Variants in SEMA4A observed in about 807,000 individuals in gnomAD.
SEMA4A encodes semaphorin-4A.
A neutral mutation model predicts 72.5 loss-of-function variants in SEMA4A; 52 were observed. That is an observed-to-expected ratio of 0.72 (90% confidence interval 0.57 to 0.90). SEMA4A has a LOEUF of 0.90. SEMA4A is among the 40% of genes least tolerant of loss of function. SEMA4A has a pLI of 0.00. For missense variants in SEMA4A, 926 were observed against 959.7 expected (o/e 0.96, Z 0.46); for synonymous variants, 369 against 393.1 (o/e 0.94, Z 0.73).
At chr1:156,169,395 G>GTCTTT (rs1558157821) in intron 10 of SEMA4A, among the ~76,000 whole-genome samples, 25 of 115,268 alleles carry the variant, frequency 2.2e-4, no homozygotes, top group African/African-American at 6.8e-4. Context: ...CTAGGTTTAT[G>GTCTTT]TCTTTTCTTT....
Position 156,176,957 on chromosome 1 carries a change from T to G in SEMA4A, c.2246T>G (p.Val749Gly), listed in dbSNP as rs1396657609. 1.2e-6 allele frequency: 2 copies of G among 1,613,366 alleles called. No individual in the cohort carries two copies. Among genetic ancestry groups the G allele is most frequent in the East Asian group, 2.2e-5 (1 of 44,890 alleles). The part of the protein sequence containing the change: ...PKECRTSASD[V>G]DADNNCLGTE... ...GAATGCAGGACCTCTGCCAGTGATG[T>G]GGACGCTGACAACAACTGCCTAGGC... The change falls in exon 15 of 15, where the codon GTG becomes GGG. Residue 749 changes from valine to glycine, a missense_variant. By Grantham distance (109) the Val-to-Gly change is moderately radical. Transcript: ENST00000368285.
intron 13 of SEMA4A, 103 bp from the exon 14 acceptor site, chr1:156,175,452 TC>T: frequency 9.0e-7 from 1 of 1,114,232 alleles, no homozygotes; most frequent in Non-Finnish European, 1.3e-6. Context: ...GTTCCTAGTC[TC>T]CCCTGGCCTA....
intron 7 of SEMA4A, 42 bp from the exon 8 acceptor site, chr1:156,160,863 G>T (rs1003725): frequency 6.2e-7 from 1 of 1,612,618 alleles, no homozygotes; most frequent in South Asian, 1.1e-5. Context: ...CCCAGGGCAT[G>T]CAGGGGCTCA....
At position 156,169,291 on chromosome 1, in the gene SEMA4A, CTGT is replaced by C. The variant is rs1326661562; in HGVS notation, c.1135-3533_1135-3531del. ...TTCTTCTCTCTCTCTCTCTCTTTCTCTGTTAAGTCTTTTCTATTTGTTCATTCG... is the reference window on the plus strand; with the variant it reads ...TTCTTCTCTCTCTCTCTCTCTTTCTCTAAGTCTTTTCTATTTGTTCATTCG... On this transcript the variant is annotated intron_variant, in intron 10 of 14. Transcript: ENST00000368285. 2.0e-5 allele frequency among the ~76,000 whole-genome samples: 3 copies of C among 151,930 alleles called. No homozygotes were observed. The East Asian group carries it at 5.8e-4, about 29-fold the overall frequency.
chr1:156,154,017 G>A (rs1652767682), intron 1 of SEMA4A, among the ~76,000 whole-genome samples: 4 of 152,226 alleles, frequency 2.6e-5, no homozygotes, highest in South Asian at 4.1e-4. Flanking sequence ...GGGGCTGGGG[G>A]AGAGGTTAGA....
intron 10 of SEMA4A, among the ~76,000 whole-genome samples, chr1:156,168,892 G>A (rs1015918777): frequency 6.6e-6 from 1 of 152,172 alleles, no homozygotes; most frequent in Non-Finnish European, 1.5e-5. Flanking sequence ...TGGTGTCTGG[G>A]AGCCACAGGG....
At chr1:156,175,301 C>A in intron 13 of SEMA4A, 58 bp downstream of exon 13, 1 of 1,545,298 alleles carries the variant, frequency 6.5e-7, no homozygotes. Context: ...TCTCAGCCAG[C>A]TTCTGCTACT....
Position 156,158,429 on chromosome 1 carries a change from T to C in SEMA4A, c.405T>C (p.Asn135=), listed in dbSNP as rs56271605. Residue 135 remains asparagine (N), a synonymous_variant, in exon 5 of 15, where the codon AAT becomes AAC. Transcript: ENST00000368285. The part of the protein sequence containing the change: ...FNFIRVLVSY[N]VTHLYTCGTF... ...TCATCCGTGTCCTGGTTTCTTACAA[T>C]GTCACCCATCTCTACACCTGCGGCA... The C allele has an allele frequency of 3.7e-4, 593 of 1,613,860 alleles. No individual in the cohort carries two copies. Among genetic ancestry groups the C allele is most frequent in the Admixed American group, 6.8e-4 (41 of 60,004 alleles).
intron 10 of SEMA4A, among the ~76,000 whole-genome samples, chr1:156,168,071 C>T (rs1178155661): frequency 6.6e-6 from 1 of 151,984 alleles, no homozygotes; most frequent in African/African-American, 2.4e-5. Flanking sequence ...CAGGCGTGCG[C>T]CGCCACAGCA....
intron 10 of SEMA4A, among the ~76,000 whole-genome samples, chr1:156,166,318 C>T (rs1263549892): frequency 6.6e-6 from 1 of 152,186 alleles, no homozygotes; most frequent in Non-Finnish European, 1.5e-5. Context: ...GCTGGGATTA[C>T]AGGTGTGACC....
intron 10 of SEMA4A, among the ~76,000 whole-genome samples, chr1:156,167,746 C>T (rs77531750): frequency 0.012 from 1,845 of 152,200 alleles, 17 homozygotes; most frequent in Non-Finnish European, 0.021. Flanking sequence ...TCTGGATGCA[C>T]GTAATGCCTG....
chr1:156,160,206 A>G (rs1463471630), intron 6 of SEMA4A, among the ~76,000 whole-genome samples: 1 of 152,038 alleles, frequency 6.6e-6, no homozygotes. Flanking sequence ...GAAAGGCTGG[A>G]AAAGTGCCCA....
At chr1:156,169,459 GC>G (rs1654497770) in intron 10 of SEMA4A, among the ~76,000 whole-genome samples, 1 of 112,476 alleles carries the variant, frequency 8.9e-6, no homozygotes, top group Admixed American at 1.3e-4. Flanking sequence ...TCGCTCAGTT[GC>G]CCAGGCTGGA....
Position 156,158,451 on chromosome 1 carries a change from G to C in SEMA4A, c.427G>C (p.Gly143Arg). ...SYNVTHLYTC[G>R]TFAFSPACTF... Reference sequence around the variant, plus strand: ...CAATGTCACCCATCTCTACACCTGCGGCACCTTCGCCTTCAGCCCTGCTTG... The same window carrying C: ...CAATGTCACCCATCTCTACACCTGCCGCACCTTCGCCTTCAGCCCTGCTTG... The change falls in exon 5 of 15, where the codon GGC (glycine) becomes CGC (arginine). Residue 143 changes from glycine (G) to arginine (R), a missense_variant. Physicochemically the swap from Gly to Arg is moderately radical, Grantham distance 125. Transcript: ENST00000368285. 6.2e-7 allele frequency: 1 copy of C among 1,613,916 alleles called. No homozygotes were observed. The highest frequency in any genetic ancestry group is 1.1e-5 in the South Asian group (1 of 91,076).
At chr1:156,172,562 A>G (rs917750780) in intron 10 of SEMA4A, among the ~76,000 whole-genome samples, 4 of 151,966 alleles carry the variant, frequency 2.6e-5, no homozygotes, top group African/African-American at 9.7e-5. Flanking sequence ...TGTTTGAATT[A>G]TTTTTCATGT....
intron 10 of SEMA4A, among the ~76,000 whole-genome samples, chr1:156,164,250 T>C (rs984981050): frequency 6.6e-6 from 1 of 152,194 alleles, no homozygotes; most frequent in African/African-American, 2.4e-5. Context: ...TTTTCAACTC[T>C]TTTAGCTGAT....
At position 156,176,835 on chromosome 1, in the gene SEMA4A, A is replaced by T; in HGVS notation, c.2124A>T (p.Arg708Ser). 1 of 1,614,182 alleles carries T rather than the reference A, an allele frequency of 6.2e-7. No homozygotes were observed. Among genetic ancestry groups the T allele is most frequent in the Non-Finnish European group, 8.5e-7 (1 of 1,180,006 alleles). Reference protein sequence around the residue: ...ALIILVASPLRALRARGKVQG... With the variant: ...ALIILVASPLSALRARGKVQG... ...TCATCCTCGTGGCCTCCCCATTGAG[A>T]GCACTCCGGGCTCGGGGCAAGGTTC... Residue 708 changes from arginine (R) to serine (S), a missense_variant, in exon 15 of 15, where the codon AGA (arginine) becomes AGT (serine). Transcript: ENST00000368285.
At chr1:156,172,454 G>A (rs1654895333) in intron 10 of SEMA4A, among the ~76,000 whole-genome samples, 2 of 152,208 alleles carry the variant, frequency 1.3e-5, no homozygotes, top group Non-Finnish European at 2.9e-5. Context: ...GCTTCGTCCT[G>A]CTTCCTGCTG....
chr1:156,147,865 A>G (rs1019626769), upstream of SEMA4A, among the ~76,000 whole-genome samples: 1 of 152,226 alleles, frequency 6.6e-6, no homozygotes, highest in Non-Finnish European at 1.5e-5. Context: ...TCCACCCCAC[A>G]GAACTGCAAA....
Sources: gnomAD v4.1 joint callset for allele counts (sites outside exome capture counted in the v4.1 genomes callset) on GRCh38, gnomAD v4.1.1 for gene constraint, MANE v1.5 for transcripts, NCBI Gene and HGNC (gene_info 2026-07-23, HGNC 2026-07-21) for gene names.